Variants in DMWD observed in about 807,000 individuals in gnomAD.
DMWD encodes the protein DM1 locus, WD repeat containing.
DMWD carries 19 observed loss-of-function variants against 45.8 expected under a neutral mutation model. The ratio of observed to expected loss-of-function variants is 0.41; its 90% CI spans 0.29 to 0.61. The LOEUF (loss-of-function observed/expected upper bound fraction) is 0.61, where lower values mean the gene tolerates loss of function less well. Ranked by LOEUF, DMWD falls within the 20% of genes least tolerant of loss-of-function variation. The pLI is 0.25. For synonymous variants in DMWD, 515 were observed against 440.5 expected (o/e 1.17, Z -2.12); for missense variants, 802 against 965.2 (o/e 0.83, Z 2.24).
chr19:45,791,116 G>C (rs760385122), intron 1 of DMWD, 29 bp from the exon 2 acceptor site: 74 of 1,586,494 alleles, frequency 4.7e-5, no homozygotes, highest in Non-Finnish European at 5.8e-5. Context: ...AGGAGTTAAT[G>C]GTGTATGCCA....
chr19:45,786,578 G>A lies in DMWD; in HGVS notation c.918C>T (p.Gly306=), dbSNP rs748940700. 1.9e-6 allele frequency: 3 copies of A among 1,613,980 alleles called. No homozygotes were observed. The highest frequency in any genetic ancestry group is 1.7e-5 in the Admixed American group (1 of 60,034). ...AGTCGAAGTGGAAGACGCGCAGGCA[G>A]CCATCCTGGCTCACACAGGCCAGGT... is the stretch of plus-strand genomic sequence containing the variant. The part of the protein sequence containing the change: ...GRHLACVSQD[G]CLRVFHFDSM... Residue 306 remains glycine (G), a synonymous_variant, in exon 3 of 5, where the codon GGC becomes GGT. Coordinates refer to ENST00000270223, the MANE Select transcript of DMWD (RefSeq NM_004943.2).
At chr19:45,785,485 C>G (rs1262886466) in intron 3 of DMWD, 109 bp downstream of exon 3, 1 of 1,404,798 alleles carries the variant, frequency 7.1e-7, no homozygotes, top group African/African-American at 1.5e-5. Context: ...CCCCTCACCC[C>G]ACGGAGCCAG....
chr19:45,785,634 T>G lies in DMWD; in HGVS notation c.1862A>C (p.Gln621Pro). Reference sequence around the variant, plus strand: ...GGCCCAGGTGCAGATGAGGCCCTCCTGGCAGGCAGTGATGATGCAGTCCTC... The same window carrying G: ...GGCCCAGGTGCAGATGAGGCCCTCCGGGCAGGCAGTGATGATGCAGTCCTC... ...FLEDCIITAC[Q>P]EGLICTWARP... The change falls in exon 3 of 5, where the codon CAG becomes CCG. Residue 621 changes from glutamine to proline, a missense_variant. Coordinates refer to ENST00000270223, the MANE Select transcript of DMWD (RefSeq NM_004943.2). The G allele has an allele frequency of 6.5e-7, 1 of 1,537,830 alleles. No homozygotes were observed. Among genetic ancestry groups the G allele is most frequent in the Non-Finnish European group, 8.8e-7 (1 of 1,137,194 alleles).
intron 3 of DMWD, 59 bp from the exon 4 acceptor site, chr19:45,784,774 C>T: frequency 1.9e-6 from 3 of 1,587,068 alleles, no homozygotes; most frequent in Non-Finnish European, 2.6e-6. Context: ...TCCCACCACT[C>T]TTGCCTCTGA....
Position 45,785,578 on chromosome 19 carries a change from G to C in DMWD, c.1902+16C>G. ...GTCCTGCCAGGTCCCCGGCAGGCTG[G>C]TGTGGGGCCACTCACCGCCTTGCCC... On this transcript the variant is annotated intron_variant, in intron 3 of 4. Coordinates refer to ENST00000270223, the MANE Select transcript of DMWD (RefSeq NM_004943.2). 6.8e-7 allele frequency: 1 copy of C among 1,467,276 alleles called. No individual in the cohort carries two copies. Among genetic ancestry groups the C allele is most frequent in the Non-Finnish European group, 9.0e-7 (1 of 1,107,184 alleles). 90.9% of individuals were successfully genotyped at this position (1,467,276 alleles called of 1,614,324 possible). A position where few individuals can be genotyped will look rare whatever the true frequency, so the allele number is the denominator to read the frequency against.
At position 45,792,717 on chromosome 19, in the gene DMWD, C is replaced by A. The variant is rs1197026059; in HGVS notation, c.40G>T (p.Ala14Ser). 1.7e-6 allele frequency: 2 copies of A among 1,205,304 alleles called. No homozygotes were observed. Among genetic ancestry groups the A allele is most frequent in the African/African-American group, 1.6e-5 (1 of 62,980 alleles). 74.7% of individuals were successfully genotyped at this position (1,205,304 alleles called of 1,614,324 possible). ...GGAEGGSGPG[A>S]AMGDCAEIKS... ...ATCTCCGCGCAGTCCCCCATGGCGGCGCCGGGGCCCGAGCCGCCCTCCGCG... is the reference window on the plus strand; with the variant it reads ...ATCTCCGCGCAGTCCCCCATGGCGGAGCCGGGGCCCGAGCCGCCCTCCGCG... Residue 14 changes from alanine (A) to serine (S), a missense_variant, in exon 1 of 5, where the codon GCC becomes TCC. Ala to Ser is a moderately conservative substitution (Grantham distance 99). Transcript: ENST00000270223.
chr19:45,785,176 T>A (rs1970253804), intron 3 of DMWD: 1 of 1,024,846 alleles, frequency 9.8e-7, no homozygotes, highest in African/African-American at 1.7e-5. Context: ...AGACCCAGGC[T>A]GGCAGCCATG....
chr19:45,786,655 C>A lies in DMWD; in HGVS notation c.841G>T (p.Ala281Ser), dbSNP rs1970282903. ...TCGTTGAGGGGCCCCTCACCCACCG[C>A]CCACTTGGCCAGCGGGTTGCGGGGT... is the stretch of plus-strand genomic sequence containing the variant. ...KAPRNPLAKW[A>S]VGEGPLNEFA... The change falls in exon 3 of 5, where the codon GCG becomes TCG. Residue 281 changes from alanine to serine, a missense_variant. Transcript: ENST00000270223. 6.2e-7 allele frequency: 1 copy of A among 1,611,364 alleles called. No individual in the cohort carries two copies. Among genetic ancestry groups the A allele is most frequent in the Non-Finnish European group, 8.5e-7 (1 of 1,178,038 alleles).
chr19:45,787,314 A>G (rs1456230056), intron 2 of DMWD: 6 of 228,464 alleles, frequency 2.6e-5, no homozygotes, highest in Admixed American at 5.2e-5. Flanking sequence ...GCACCATTCA[A>G]TCCTCGTAAG....
At position 45,785,779 on chromosome 19, in the gene DMWD, G is replaced by C. The variant is rs753119516; in HGVS notation, c.1717C>G (p.Leu573Val). The part of the protein sequence containing the change: ...KPSGPVPRSR[L>V]DPAKVLGTAL... The stretch of plus-strand genomic sequence containing the variant: ...GTGCCCAGCACCTTGGCGGGGTCCA[G>C]GCGGCTGCGGGGAACAGGGCCGCTG... The change falls in exon 3 of 5, where the codon CTG becomes GTG. Residue 573 changes from leucine (L) to valine (V), a missense_variant. Physicochemically the swap from Leu to Val is conservative, Grantham distance 32. Around this residue, in one of 9 missense-constraint regions of DMWD, gnomAD observed 303 missense variants for 332.9 expected, o/e 0.91. Coordinates refer to ENST00000270223, the MANE Select transcript of DMWD (RefSeq NM_004943.2). 1 of 1,611,674 alleles carries C rather than the reference G, an allele frequency of 6.2e-7. No individual in the cohort carries two copies. The highest frequency in any genetic ancestry group is 8.5e-7 in the Non-Finnish European group (1 of 1,179,236).
chr19:45,784,702 T>C lies in DMWD; in HGVS notation c.1916A>G (p.Glu639Gly). 6.2e-7 allele frequency: 1 copy of C among 1,613,778 alleles called. No individual in the cohort carries two copies. Among genetic ancestry groups the C allele is most frequent in the Non-Finnish European group, 8.5e-7 (1 of 1,179,778 alleles). ...TCCTTCCCCTGTCTGGGCCTCGGTC[T>C]CCTCGTCTGTGAACTACGGAGACAG... ...ARPGKAFTDEETEAQTGEGSW... is the reference protein window; with the variant it reads ...ARPGKAFTDEGTEAQTGEGSW... The change falls in exon 4 of 5, where the codon GAG becomes GGG. Residue 639 changes from glutamate (E) to glycine (G), a missense_variant. Transcript: ENST00000270223.
chr19:45,790,597 G>A (rs980758644), intron 2 of DMWD: 3 of 192,724 alleles, frequency 1.6e-5, no homozygotes, highest in African/African-American at 7.0e-5. Flanking sequence ...ATCTTGCAGT[G>A]AGCAGAGATC....
At chr19:45,784,776 T>C (rs1340996425) in intron 3 of DMWD, 61 bp from the exon 4 acceptor site, 2 of 1,583,246 alleles carry the variant, frequency 1.3e-6, no homozygotes, top group Admixed American at 1.8e-5. Flanking sequence ...CCACCACTCT[T>C]GCCTCTGAGT....
chr19:45,788,718 CAGG>C (rs758821604), intron 2 of DMWD, among the ~76,000 whole-genome samples: 79 of 152,204 alleles, frequency 5.2e-4, no homozygotes, highest in Admixed American at 1.6e-3. Flanking sequence ...AGCTTGAGCC[CAGG>C]AGTTCGAGAC....
chr19:45,785,801 G>A lies in DMWD; in HGVS notation c.1695C>T (p.Ser565=), dbSNP rs61744166. The A allele has an allele frequency of 0.03, 47,976 of 1,611,748 alleles. 882 individuals are homozygous for A. Among genetic ancestry groups the A allele is most frequent in the Non-Finnish European group, 0.037 (43,162 of 1,179,564 alleles). The change falls in exon 3 of 5, where the codon AGC becomes AGT. Residue 565 remains serine (S), a synonymous_variant. Transcript: ENST00000270223. ...GGSGSGGEKP[S]GPVPRSRLDP... ...CCAGGCGGCTGCGGGGAACAGGGCC[G>A]CTGGGCTTCTCCCCACCACTGCCAC... is the stretch of plus-strand genomic sequence containing the variant.
chr19:45,784,684 C>T lies in DMWD; in HGVS notation c.1934G>A (p.Gly645Glu). 1 of 1,613,724 alleles carries T rather than the reference C, an allele frequency of 6.2e-7. No homozygotes were observed. Among genetic ancestry groups the T allele is most frequent in the Non-Finnish European group, 8.5e-7 (1 of 1,179,698 alleles). Residue 645 changes from glycine to glutamate, a missense_variant, in exon 4 of 5, where the codon GGG (glycine) becomes GAG (glutamate). By Grantham distance (98) the Gly-to-Glu change is moderately conservative (BLOSUM62 -2). This residue lies in a region of DMWD where 303 missense variants were observed against 332.9 expected (regional missense o/e 0.91). Transcript: ENST00000270223. The part of the protein sequence containing the change: ...FTDEETEAQT[G>E]EGSWPRSPSK... ...GGGTGACCTGGGCCAACTTCCTTCC[C>T]CTGTCTGGGCCTCGGTCTCCTCGTC...
chr19:45,785,714 C>T lies in DMWD; in HGVS notation c.1782G>A (p.Glu594=). 9 of 1,605,818 alleles carry T rather than the reference C, an allele frequency of 5.6e-6. No homozygotes were observed. In the East Asian group the frequency reaches 1.8e-4, roughly 32 times the overall value. The change falls in exon 3 of 5, where the codon GAG becomes GAA. Residue 594 remains glutamate, a synonymous_variant. Transcript: ENST00000270223. ...CPRIHEVPLL[E]PLVCKKIAQE... The stretch of plus-strand genomic sequence containing the variant: ...GGGCGATCTTCTTGCACACAAGGGG[C>T]TCCAGCAGGGGCACCTCGTGGATGC...
intron 1 of DMWD, among the ~76,000 whole-genome samples, 155 bp downstream of exon 1, chr19:45,792,161 G>A (rs1443895260): frequency 6.6e-6 from 1 of 151,592 alleles, no homozygotes; most frequent in East Asian, 1.9e-4. Flanking sequence ...TCACATTTCA[G>A]AATCCTGTAC....
Position 45,784,167 on chromosome 19 carries a change from A to G in DMWD, c.*76T>C. On this transcript the variant is annotated 3_prime_UTR_variant, in exon 5 of 5. Transcript: ENST00000270223. ...CATGGTTAGTCTTGTTAATACGTTG[A>G]TCTGTGAGGTCAGCAGGGAGGGTTA... is the stretch of plus-strand genomic sequence containing the variant. The G allele has an allele frequency of 7.7e-7, 1 of 1,298,306 alleles. No individual in the cohort carries two copies. The highest frequency in any genetic ancestry group is 2.5e-5 in the East Asian group (1 of 40,782). 80.4% of individuals were successfully genotyped at this position (1,298,306 alleles called of 1,614,324 possible).
Sources: allele counts gnomAD v4.1 joint callset (sites outside exome capture counted in the v4.1 genomes callset), GRCh38; gene constraint gnomAD v4.1.1; regional missense constraint gnomAD v4.1.1; transcripts MANE v1.5; gene names NCBI Gene and HGNC (gene_info 2026-07-23, HGNC 2026-07-21).